BCAT1: variants seen among roughly 807,000 people sequenced by gnomAD.
BCAT1 encodes branched-chain-amino-acid aminotransferase, cytosolic.
A neutral mutation model predicts 52.4 loss-of-function variants in BCAT1; 48 were observed. The observed-to-expected ratio is 0.92, with a 90% CI of 0.73 to 1.16. The LOEUF (loss-of-function observed/expected upper bound fraction) is 1.16, where lower values mean the gene tolerates loss of function less well. Among genes scored for constraint, BCAT1 ranks in the 50% most tolerant of loss-of-function variants. BCAT1 has a pLI of 0.00. For synonymous variants in BCAT1, 167 were observed against 161.3 expected (o/e 1.04, Z -0.27); for missense variants, 451 against 457.1 (o/e 0.99, Z 0.12).
rs891944372 is a variant in BCAT1 at position 24,812,495 on chromosome 12, C to T, written c.*5513G>A. Reference sequence around the variant, plus strand: ...ATAATCTAAAGTGGTTTCTATGTAACACAACCTTCAGATTATAACCTCAAT... The same window carrying T: ...ATAATCTAAAGTGGTTTCTATGTAATACAACCTTCAGATTATAACCTCAAT... On this transcript the variant is annotated 3_prime_UTR_variant, in exon 11 of 11. Coordinates refer to ENST00000261192, the MANE Select transcript of BCAT1 (RefSeq NM_005504.7). 5 of 151,990 alleles carry T rather than the reference C, an allele frequency of 3.3e-5. No individual in the cohort carries two copies. Among genetic ancestry groups the T allele is most frequent in the Admixed American group, 2.6e-4 (4 of 15,268 alleles). 9.4% of individuals were successfully genotyped at this position (151,990 alleles called of 1,614,324 possible). A position where few individuals can be genotyped will look rare whatever the true frequency, so the allele number is the denominator to read the frequency against.
At chr12:24,900,457 G>A (rs900049998) in intron 2 of BCAT1, among the ~76,000 whole-genome samples, 2 of 152,126 alleles carry the variant, frequency 1.3e-5, no homozygotes, top group Non-Finnish European at 2.9e-5. Context: ...CTGATGGCAT[G>A]CAAGCCGATA....
At chr12:24,825,854 C>A (rs1319517020) in intron 10 of BCAT1, among the ~76,000 whole-genome samples, 1 of 152,144 alleles carries the variant, frequency 6.6e-6, no homozygotes, top group Non-Finnish European at 1.5e-5. Context: ...AGCTTTCCAG[C>A]TTGACATAAT....
intron 2 of BCAT1, among the ~76,000 whole-genome samples, chr12:24,894,821 G>A (rs1379786991): frequency 1.3e-5 from 2 of 152,198 alleles, no homozygotes; most frequent in African/African-American, 4.8e-5. Context: ...AAAGATGAAA[G>A]AGATGTTTTC....
intron 1 of BCAT1, among the ~76,000 whole-genome samples, chr12:24,948,380 A>G (rs1164177681): frequency 6.6e-6 from 1 of 152,252 alleles, no homozygotes. Flanking sequence ...GGCGTCTATC[A>G]TTTGTAACTC....
intron 10 of BCAT1, among the ~76,000 whole-genome samples, chr12:24,826,285 C>T (rs1237441375): frequency 6.6e-6 from 1 of 152,176 alleles, no homozygotes; most frequent in Non-Finnish European, 1.5e-5. Flanking sequence ...AGATTCAAGT[C>T]ATTAATATAC....
chr12:24,949,182 G>A (rs961871478), upstream of BCAT1: 2 of 533,296 alleles, frequency 3.8e-6, no homozygotes, highest in Admixed American at 3.6e-5. Flanking sequence ...CCCCCAGGCC[G>A]CCCCCAGATG....
rs546378897 is a variant in BCAT1, at chr12:24,833,241, G to A, written c.904-378C>T. ...CTCCGTGTTAACAGTGTCTTAGGCC[G>A]GGCACGGTGGCTCATGCCTGTAATC... On this transcript the variant is annotated intron_variant, in intron 8 of 10. Coordinates refer to ENST00000261192, the MANE Select transcript of BCAT1 (RefSeq NM_005504.7). Among the ~76,000 whole-genome samples the A allele has an allele frequency of 8.5e-5, 13 of 152,248 alleles. No individual in the cohort carries two copies. In the South Asian group the frequency reaches 2.3e-3, roughly 27 times the overall value.
At chr12:24,865,418 T>TG (rs753285449) in intron 5 of BCAT1, among the ~76,000 whole-genome samples, 80 of 152,352 alleles carry the variant, frequency 5.3e-4, no homozygotes, top group Non-Finnish European at 1.0e-3. Context: ...TAAGTATCCT[T>TG]GAATGTATGT....
intron 4 of BCAT1, 59 bp from the exon 5 acceptor site, chr12:24,878,708 A>T: frequency 1.3e-6 from 2 of 1,490,392 alleles, no homozygotes; most frequent in East Asian, 2.3e-5. Flanking sequence ...GCAATAATAA[A>T]TGATCCTCAC....
intron 1 of BCAT1, among the ~76,000 whole-genome samples, chr12:24,926,672 T>C (rs1174326172): frequency 6.6e-6 from 1 of 152,170 alleles, no homozygotes; most frequent in Non-Finnish European, 1.5e-5. Context: ...AACCCGGTGC[T>C]CTCTGAAACA....
chr12:24,908,065 G>A (rs2139696190), intron 1 of BCAT1, among the ~76,000 whole-genome samples: 2 of 152,216 alleles, frequency 1.3e-5, no homozygotes, highest in Non-Finnish European at 2.9e-5. Flanking sequence ...AATATACTTT[G>A]GAATTTTAAC....
intron 8 of BCAT1, chr12:24,833,818 C>CTTTTTTTTTTTTTTTTTTT: frequency 6.9e-6 from 1 of 145,858 alleles, no homozygotes; most frequent in Non-Finnish European, 1.5e-5. Context: ...ACGTTTGTCT[C>CTTTTTTTTTTTTTTTTTTT]TTTCTTTTTT....
intron 1 of BCAT1, among the ~76,000 whole-genome samples, chr12:24,944,717 T>C (rs1355352892): frequency 6.6e-6 from 1 of 152,280 alleles, no homozygotes; most frequent in African/African-American, 2.4e-5. Flanking sequence ...AATGAATTTG[T>C]TCTTTTTAGA....
intron 3 of BCAT1, among the ~76,000 whole-genome samples, chr12:24,883,753 T>A (rs1462220096): frequency 6.6e-6 from 1 of 152,198 alleles, no homozygotes; most frequent in Non-Finnish European, 1.5e-5. Flanking sequence ...GTGGGGAGTC[T>A]TGCAGAGTGC....
chr12:24,832,138 C>T (rs1940693936), intron 9 of BCAT1, among the ~76,000 whole-genome samples: 1 of 152,104 alleles, frequency 6.6e-6, no homozygotes, highest in African/African-American at 2.4e-5. Flanking sequence ...TTTTGGTTAA[C>T]CAGAAACTGA....
At chr12:24,906,568 G>A (rs1046455296) in intron 1 of BCAT1, among the ~76,000 whole-genome samples, 9 of 152,198 alleles carry the variant, frequency 5.9e-5, no homozygotes, top group South Asian at 2.1e-4. Flanking sequence ...TGGGATAGAT[G>A]AGCATTAATA....
chr12:24,937,023 G>A (rs973551736), intron 1 of BCAT1, among the ~76,000 whole-genome samples: 1 of 152,014 alleles, frequency 6.6e-6, no homozygotes. Context: ...GCCAAGCATT[G>A]GACGACATAT....
At chr12:24,894,854 C>T (rs1191034942) in intron 2 of BCAT1, among the ~76,000 whole-genome samples, 1 of 152,192 alleles carries the variant, frequency 6.6e-6, no homozygotes, top group Non-Finnish European at 1.5e-5. Flanking sequence ...TGGCAACACT[C>T]ACAATGATTT....
intron 1 of BCAT1, among the ~76,000 whole-genome samples, chr12:24,911,991 T>C (rs1591869210): frequency 6.6e-6 from 1 of 152,338 alleles, no homozygotes; most frequent in East Asian, 1.9e-4. Context: ...CCAGATATTA[T>C]ATACTGGATT....
Sources: gnomAD v4.1 joint callset for allele counts (sites outside exome capture counted in the v4.1 genomes callset) on GRCh38, gnomAD v4.1.1 for gene constraint, MANE v1.5 for transcripts, NCBI Gene and HGNC (gene_info 2026-07-23, HGNC 2026-07-21) for gene names.